Variants in SMG6 observed in about 807,000 individuals in gnomAD.
The protein encoded by SMG6 is SMG6 nonsense mediated mRNA decay factor, also known as telomerase-binding protein EST1A.
In SMG6, 66 loss-of-function variants were observed where a neutral mutation model predicts 142.2. The ratio of observed to expected loss-of-function variants is 0.46; its 90% CI spans 0.38 to 0.57. SMG6 has a LOEUF of 0.57. Ranked by LOEUF, SMG6 falls within the 20% of genes least tolerant of loss-of-function variation. The pLI is 0.00. For synonymous variants in SMG6, 779 were observed against 702.4 expected, an observed-to-expected ratio of 1.11 and a Z score of -1.72; for missense variants, 1,793 against 1,832.0, an observed-to-expected ratio of 0.98 and a Z score of 0.39.
chr17:2,067,222 G>A (rs2067977694), intron 16 of SMG6, among the ~76,000 whole-genome samples: 1 of 152,148 alleles, frequency 6.6e-6, no homozygotes, highest in Admixed American at 6.5e-5. Flanking sequence ...ACCGAATCCG[G>A]ATTTCCTTAC....
At chr17:2,170,209 G>A (rs2071461014) in intron 13 of SMG6, among the ~76,000 whole-genome samples, 1 of 152,098 alleles carries the variant, frequency 6.6e-6, no homozygotes, top group Admixed American at 6.6e-5. Context: ...TCACTGAGCC[G>A]CCACTGCCCC....
At chr17:2,153,126 C>T (rs2070878097) in intron 13 of SMG6, among the ~76,000 whole-genome samples, 1 of 152,188 alleles carries the variant, frequency 6.6e-6, no homozygotes, top group Non-Finnish European at 1.5e-5. Flanking sequence ...CAGCCCAACG[C>T]AAATTTATAA....
At chr17:2,082,122 T>C in intron 14 of SMG6, 166 bp from the exon 15 acceptor site, 1 of 645,476 alleles carries the variant, frequency 1.5e-6, no homozygotes, top group Non-Finnish European at 2.7e-6. Flanking sequence ...CAAAGGGAGG[T>C]TGACAAAAGC....
rs138722546 is a variant in SMG6 at position 2,299,655 on chromosome 17, C to T, written c.1098G>A (p.Val366=). The part of the protein sequence containing the change: ...AEAMNKESPM[V]RSARDDMDRG... ...TATCCATATCATCCCTGGCTGACCT[C>T]ACCATGGGAGACTCTTTGTTCATGG... Residue 366 remains valine (V), a synonymous_variant, in exon 2 of 19, where the codon GTG becomes GTA. Transcript: ENST00000263073. This position sits in a 1 kb window ranked among gnomAD's most constrained non-coding sequence, Gnocchi z 4.3. 4,153 of 1,614,222 alleles carry T rather than the reference C, an allele frequency of 2.6e-3. 10 individuals carry two copies. Among genetic ancestry groups the T allele is most frequent in the Middle Eastern group, 4.3e-3 (26 of 6,062 alleles).
chr17:2,255,751 G>A (rs1277111630), intron 8 of SMG6: 2 of 199,874 alleles, frequency 1.0e-5, no homozygotes, highest in Non-Finnish European at 2.0e-5. Flanking sequence ...AGGGGGGAAA[G>A]GTGGGGAAAG....
chr17:2,302,888 G>T, intron 1 of SMG6: 2 of 826,240 alleles, frequency 2.4e-6, no homozygotes, highest in Non-Finnish European at 2.9e-6. Flanking sequence ...ATCCAATTAT[G>T]TTAATCAACA....
At chr17:2,244,569 A>C (rs1883631085) in intron 9 of SMG6, 89 bp downstream of exon 9, 15 of 980,282 alleles carry the variant, frequency 1.5e-5, no homozygotes, top group Non-Finnish European at 2.2e-5. Context: ...CTGTGCCCTC[A>C]GTTACAAACA....
chr17:2,299,834 C>T lies in SMG6; in HGVS notation c.919G>A (p.Asp307Asn), dbSNP rs745879265. Reference protein sequence around the residue: ...SVSSTDSLDEDRIDEPDGLGP... With the variant: ...SVSSTDSLDENRIDEPDGLGP... ...AATCCATCAGGCTCATCAATTCTGT[C>T]CTCGTCTAAGGAATCGGTTGAGGAC... The change falls in exon 2 of 19, where the codon GAC (aspartate) becomes AAC (asparagine). Residue 307 changes from aspartate to asparagine, a missense_variant. Around this residue, in one of 3 missense-constraint regions of SMG6, gnomAD observed 1,597 missense variants for 1,584.6 expected, o/e 1.01. Transcript: ENST00000263073. This position sits in a 1 kb window ranked among gnomAD's most constrained non-coding sequence, Gnocchi z 4.3. The T allele has an allele frequency of 6.2e-7, 1 of 1,614,164 alleles. No homozygotes were observed. Among genetic ancestry groups the T allele is most frequent in the East Asian group, 2.2e-5 (1 of 44,892 alleles).
Position 2,299,716 on chromosome 17 carries a change from T to C in SMG6, c.1037A>G (p.Tyr346Cys). The C allele has an allele frequency of 6.2e-7, 1 of 1,614,164 alleles. No individual in the cohort carries two copies. The highest frequency in any genetic ancestry group is 1.1e-5 in the South Asian group (1 of 91,076). The change falls in exon 2 of 19, where the codon TAT becomes TGT. Residue 346 changes from tyrosine to cysteine, a missense_variant. Coordinates refer to ENST00000263073, the MANE Select transcript of SMG6 (RefSeq NM_017575.5). This position sits in a 1 kb window ranked among gnomAD's most constrained non-coding sequence, Gnocchi z 4.3. ...EGEQKNSAKEYRGTLRVTFDA... is the reference protein window; with the variant it reads ...EGEQKNSAKECRGTLRVTFDA... ...GAAAGTGACACGAAGAGTGCCTCGA[T>C]ATTCTTTAGCACTGTTTTTCTGCTC...
chr17:2,211,861 T>A (rs1486298165), intron 10 of SMG6, among the ~76,000 whole-genome samples: 2 of 152,104 alleles, frequency 1.3e-5, no homozygotes, highest in East Asian at 3.9e-4. Flanking sequence ...GATCCCCACA[T>A]CCACATCTCT....
In SMG6 at chr17:2,300,558, G is replaced by A. The variant is rs1273206642; in HGVS notation, c.195C>T (p.Ile65=). ...ATTCCTCACTCCCAGGGGGTTCCTT[G>A]ATTTTGGGCTTGTTCCTTAGCCGAG... ...GLSRLRNKPK[I]KEPPGSEEFK... is the part of the protein sequence containing the mutation. Residue 65 remains isoleucine (I), a synonymous_variant, in exon 2 of 19, where the codon ATC becomes ATT. Coordinates refer to ENST00000263073, the MANE Select transcript of SMG6 (RefSeq NM_017575.5). The A allele has an allele frequency of 1.2e-6, 2 of 1,614,036 alleles. No individual in the cohort carries two copies. Among genetic ancestry groups the A allele is most frequent in the Non-Finnish European group, 1.7e-6 (2 of 1,179,936 alleles).
At chr17:2,262,083 T>A (rs2074328138) in intron 8 of SMG6, among the ~76,000 whole-genome samples, 1 of 152,078 alleles carries the variant, frequency 6.6e-6, no homozygotes, top group Admixed American at 6.6e-5. Flanking sequence ...AGAAAAAAAA[T>A]CCCAGAAAAA....
At chr17:2,124,207 G>A (rs1294472740) in intron 13 of SMG6, among the ~76,000 whole-genome samples, 2 of 152,190 alleles carry the variant, frequency 1.3e-5, no homozygotes, top group East Asian at 3.8e-4. Flanking sequence ...TTGGTAGTGC[G>A]GTGACAGATC....
intron 8 of SMG6, chr17:2,245,062 C>G (rs2073898793): frequency 3.8e-6 from 1 of 263,206 alleles, no homozygotes; most frequent in Non-Finnish European, 7.3e-6. Flanking sequence ...GCTCCATAAT[C>G]ATGGAAATGA....
intron 10 of SMG6, among the ~76,000 whole-genome samples, chr17:2,195,746 T>C (rs1403321350): frequency 6.6e-6 from 1 of 152,232 alleles, no homozygotes; most frequent in African/African-American, 2.4e-5. Flanking sequence ...AGTATTATTC[T>C]CCTTTTTGAC....
At chr17:2,184,691 G>A (rs111815982) in intron 12 of SMG6, among the ~76,000 whole-genome samples, 3 of 147,580 alleles carry the variant, frequency 2.0e-5, no homozygotes, top group East Asian at 2.0e-4. Context: ...GGCTGGGTAC[G>A]GTGGTTCATG....
intron 10 of SMG6, among the ~76,000 whole-genome samples, chr17:2,218,787 T>A (rs1442711247): frequency 4.6e-5 from 7 of 152,108 alleles, no homozygotes; most frequent in Non-Finnish European, 1.5e-5. Flanking sequence ...ACCCACAGAA[T>A]GCACAACACC....
intron 6 of SMG6, among the ~76,000 whole-genome samples, chr17:2,287,812 G>C (rs2074940662): frequency 6.6e-6 from 1 of 152,210 alleles, no homozygotes; most frequent in East Asian, 1.9e-4. Context: ...GACAAATACT[G>C]TATAATTCCA....
chr17:2,065,509 C>A lies in SMG6; in HGVS notation c.4006G>T (p.Glu1336Ter). ...TCCTCACTGCGGAAGGCGATGGATT[C>A]GAGTTCATTGCCACGGCTGGTCAGG... ...RALTSRGNEL[E>*]SIAFRSEDIT... The change falls in exon 17 of 19, where the codon GAA (glutamate) becomes TAA (stop). Residue 1336 changes from glutamate to a stop codon, truncating the protein, a stop_gained. Coordinates refer to ENST00000263073, the MANE Select transcript of SMG6 (RefSeq NM_017575.5). LOFTEE classifies it high-confidence loss of function. 1 of 1,613,728 alleles carries A rather than the reference C, an allele frequency of 6.2e-7. No individual in the cohort carries two copies.
Sources: allele counts gnomAD v4.1 joint callset (sites outside exome capture counted in the v4.1 genomes callset), GRCh38; gene constraint gnomAD v4.1.1; regional missense constraint gnomAD v4.1.1; non-coding constraint Gnocchi (gnomAD v3.1); transcripts MANE v1.5; gene names NCBI Gene and HGNC (gene_info 2026-07-23, HGNC 2026-07-21).